The following ARHGAP26 variants were observed in gnomAD, a reference collection of about 807,000 sequenced individuals.
The protein encoded by ARHGAP26 is rho GTPase-activating protein 26.
Under a neutral mutation model 104.8 loss-of-function variants are expected in ARHGAP26, and 38 were observed. The ratio of observed to expected loss-of-function variants is 0.36; its 90% CI spans 0.28 to 0.48. The LOEUF is 0.48. ARHGAP26 is among the 20% of genes least tolerant of loss of function. The probability of loss-of-function intolerance (pLI) is 0.99; values close to 1 mark genes in which losing one functional copy is unlikely to be tolerated. For synonymous variants in ARHGAP26, 341 were observed against 340.0 expected (o/e 1.00, Z -0.03); for missense variants, 704 against 947.9 (o/e 0.74, Z 3.38).
intron 11 of ARHGAP26, among the ~76,000 whole-genome samples, chr5:142,993,019 T>C (rs1324206072): frequency 1.3e-5 from 2 of 152,138 alleles, no homozygotes; most frequent in Non-Finnish European, 2.9e-5. Flanking sequence ...TCTCACTCTT[T>C]CGCCCAGGCT....
At chr5:142,933,138 C>T (rs560607452) in intron 11 of ARHGAP26, among the ~76,000 whole-genome samples, 17 of 152,144 alleles carry the variant, frequency 1.1e-4, no homozygotes, top group Non-Finnish European at 2.2e-4. Context: ...CATAGGAACC[C>T]TCAAAACCAG....
At chr5:142,870,379 C>A (rs541511082) in intron 1 of ARHGAP26, among the ~76,000 whole-genome samples, 43 of 152,258 alleles carry the variant, frequency 2.8e-4, no homozygotes, top group African/African-American at 9.4e-4. Flanking sequence ...GTAGAGAGTT[C>A]TCTTTTTAGT....
In ARHGAP26 at chr5:143,003,972, C is replaced by G. The variant is rs571603009; in HGVS notation, c.1108-10108C>G. On this transcript the variant is annotated intron_variant, in intron 11 of 22. Coordinates refer to ENST00000645722, the MANE Select transcript of ARHGAP26 (RefSeq NM_001135608.3). ...GCAGCCCCCAGAATCACCACACATT[C>G]AGAGAGACTCCAGGGATGCCTCGTG... 1.2e-4 allele frequency among the ~76,000 whole-genome samples: 16 copies of G among 131,030 alleles called. 1 individual carries two copies. Among genetic ancestry groups the G allele is most frequent in the African/African-American group, 5.0e-4 (16 of 32,054 alleles). 86.0% of individuals were successfully genotyped at this position (131,030 alleles called of 152,430 possible).
intron 11 of ARHGAP26, among the ~76,000 whole-genome samples, chr5:142,952,140 T>G (rs1245992621): frequency 6.6e-6 from 1 of 152,248 alleles, no homozygotes; most frequent in Non-Finnish European, 1.5e-5. Context: ...CAGGATTATC[T>G]TACCTCCAGA....
intron 17 of ARHGAP26, among the ~76,000 whole-genome samples, chr5:143,115,261 AG>A (rs1273350067): frequency 5.9e-5 from 9 of 151,930 alleles, no homozygotes; most frequent in Non-Finnish European, 1.3e-4. Context: ...TGAACCCAGG[AG>A]GCGGAGGTTG....
chr5:142,844,097 G>T (rs1400380533), intron 1 of ARHGAP26, among the ~76,000 whole-genome samples: 1 of 147,594 alleles, frequency 6.8e-6, no homozygotes, highest in Non-Finnish European at 1.5e-5. Context: ...TATTCCCCAG[G>T]CTAGAGTGTA....
intron 12 of ARHGAP26, among the ~76,000 whole-genome samples, chr5:143,032,305 G>A (rs1172575029): frequency 2.0e-5 from 3 of 152,328 alleles, no homozygotes; most frequent in South Asian, 2.1e-4. Context: ...TAAACCAGCC[G>A]AAGCCTCAAC....
At chr5:143,045,171 C>CTG (rs1240126236) in intron 14 of ARHGAP26, among the ~76,000 whole-genome samples, 3 of 152,184 alleles carry the variant, frequency 2.0e-5, no homozygotes, top group African/African-American at 7.2e-5. Context: ...CTTGATTTTC[C>CTG]TGGGGATAGA....
At chr5:143,210,882 G>A (rs1364093219) in intron 21 of ARHGAP26, among the ~76,000 whole-genome samples, 1 of 133,496 alleles carries the variant, frequency 7.5e-6, no homozygotes, top group Non-Finnish European at 1.7e-5. Flanking sequence ...CCCAGCTGAG[G>A]TCTGAAGGGC....
chr5:143,079,299 G>A (rs554108877), intron 17 of ARHGAP26, among the ~76,000 whole-genome samples: 3 of 152,340 alleles, frequency 2.0e-5, no homozygotes, highest in South Asian at 2.1e-4. Flanking sequence ...TGAAGTAAGC[G>A]CTTTCTCCTT....
intron 11 of ARHGAP26, among the ~76,000 whole-genome samples, chr5:142,938,397 A>G (rs1765762481): frequency 6.6e-6 from 1 of 152,134 alleles, no homozygotes; most frequent in Non-Finnish European, 1.5e-5. Flanking sequence ...TTGTGTGGCC[A>G]TTGTCTAAGG....
chr5:143,193,669 GA>G (rs1387253282), intron 20 of ARHGAP26, among the ~76,000 whole-genome samples: 2 of 152,156 alleles, frequency 1.3e-5, no homozygotes, highest in Non-Finnish European at 2.9e-5. Flanking sequence ...TCCTGTAAGT[GA>G]AAAGGTGAAA....
intron 1 of ARHGAP26, among the ~76,000 whole-genome samples, chr5:142,795,082 AT>A (rs529368623): frequency 4.6e-4 from 70 of 152,016 alleles, no homozygotes; most frequent in Non-Finnish European, 8.5e-4. Flanking sequence ...CCCTTTAATA[AT>A]GTAAAAACCA....
At chr5:142,927,658 A>G (rs1053161111) in intron 10 of ARHGAP26, among the ~76,000 whole-genome samples, 6 of 152,160 alleles carry the variant, frequency 3.9e-5, no homozygotes, top group Admixed American at 2.6e-4. Flanking sequence ...CTTTTGGTGG[A>G]CATATGCACT....
At chr5:143,168,501 CCTGTTTTGGTTT>C (rs1802352225) in intron 20 of ARHGAP26, 1 of 107,380 alleles carries the variant, frequency 9.3e-6, no homozygotes, top group African/African-American at 3.7e-5. Context: ...CCACAAAGGG[CCTGTTTTGGTTT>C]CTGAGTGTCA....
chr5:142,919,244 G>A (rs996510445), intron 10 of ARHGAP26: 5 of 398,464 alleles, frequency 1.3e-5, no homozygotes, highest in Non-Finnish European at 1.3e-5. Flanking sequence ...ACATGTACAC[G>A]AGAAGATACC....
chr5:142,985,233 T>C (rs1003607025), intron 11 of ARHGAP26, among the ~76,000 whole-genome samples: 4 of 152,214 alleles, frequency 2.6e-5, no homozygotes, highest in African/African-American at 9.6e-5. Context: ...GTGTTTGTGT[T>C]TTAAGCTAAA....
rs1409512182 is a variant in ARHGAP26, at chr5:143,147,329, A to G, written c.1936A>G (p.Asn646Asp). The G allele has an allele frequency of 6.2e-7, 1 of 1,613,902 alleles. No individual in the cohort carries two copies. Among genetic ancestry groups the G allele is most frequent in the Admixed American group, 1.7e-5 (1 of 59,982 alleles). The part of the protein sequence containing the change: ...NSSSSLQPNM[N>D]SSDPDLAVVK... ...CAGCAGCAGCTTACAGCCCAACATG[A>G]ACTCCAGTGACCCAGACCTGGCTGT... The change falls in exon 20 of 23, where the codon AAC (asparagine) becomes GAC (aspartate). Residue 646 changes from asparagine (N) to aspartate (D), a missense_variant. Coordinates refer to ENST00000645722, the MANE Select transcript of ARHGAP26 (RefSeq NM_001135608.3).
intron 22 of ARHGAP26, among the ~76,000 whole-genome samples, chr5:143,217,412 GA>G (rs1810500711): frequency 6.6e-6 from 1 of 152,182 alleles, no homozygotes; most frequent in Admixed American, 6.5e-5. Flanking sequence ...GAGCACCTCA[GA>G]CAGTAACTGG....
Sources: gnomAD v4.1 joint callset for allele counts (sites outside exome capture counted in the v4.1 genomes callset) on GRCh38, gnomAD v4.1.1 for gene constraint, MANE v1.5 for transcripts, NCBI Gene and HGNC (gene_info 2026-07-23, HGNC 2026-07-21) for gene names.